FNDC3B: variants seen among roughly 807,000 people sequenced by gnomAD.
FNDC3B encodes the protein fibronectin type III domain containing 3B, also known as fibronectin type III domain-containing protein 3B.
A neutral mutation model predicts 151.5 loss-of-function variants in FNDC3B; 12 were observed. The ratio of observed to expected loss-of-function variants is 0.08; its 90% confidence interval spans 0.05 to 0.13. The LOEUF (loss-of-function observed/expected upper bound fraction) is 0.13. FNDC3B is among the 10% of genes least tolerant of loss of function. The pLI, the probability that FNDC3B is intolerant of heterozygous loss-of-function variation, is 1.00. For synonymous variants in FNDC3B, 528 were observed against 549.0 expected, an observed-to-expected ratio of 0.96 and a Z score of 0.54; for missense variants, 1,214 against 1,505.3, an observed-to-expected ratio of 0.81 and a Z score of 3.20.
chr3:172,118,153 C>CA (rs1176987358), intron 2 of FNDC3B, among the ~76,000 whole-genome samples: 3 of 152,180 alleles, frequency 2.0e-5, no homozygotes, highest in Non-Finnish European at 4.4e-5. Context: ...TACACATTTC[C>CA]AGACAGTATG....
At chr3:172,374,523 T>A (rs1359271708) in intron 23 of FNDC3B, among the ~76,000 whole-genome samples, 2 of 152,120 alleles carry the variant, frequency 1.3e-5, no homozygotes, top group East Asian at 1.9e-4. Context: ...GCCTCCTGAG[T>A]AGCTGGGACT....
intron 1 of FNDC3B, among the ~76,000 whole-genome samples, chr3:172,057,252 A>G (rs1259905801): frequency 1.3e-5 from 2 of 152,086 alleles, no homozygotes; most frequent in Admixed American, 6.5e-5. Flanking sequence ...TCTGCCTTTC[A>G]TCTCTGGGTC....
At chr3:172,135,983 T>A (rs1721339839) in intron 3 of FNDC3B, among the ~76,000 whole-genome samples, 1 of 152,244 alleles carries the variant, frequency 6.6e-6, no homozygotes, top group Admixed American at 6.5e-5. Flanking sequence ...CTAACATTTA[T>A]TCATCTCAGG....
At chr3:172,341,067 C>T (rs375462532) in intron 16 of FNDC3B, 46 bp from the exon 17 acceptor site, 3 of 1,297,558 alleles carry the variant, frequency 2.3e-6, no homozygotes, top group Admixed American at 1.7e-5. Context: ...TGATATGCTA[C>T]ATTTTTACAA....
chr3:172,389,106 G>A (rs1735874231), intron 25 of FNDC3B, among the ~76,000 whole-genome samples: 1 of 152,004 alleles, frequency 6.6e-6, no homozygotes, highest in East Asian at 1.9e-4. Flanking sequence ...TGGGCTTTTG[G>A]ATCTCATATT....
intron 3 of FNDC3B, among the ~76,000 whole-genome samples, chr3:172,167,714 C>G (rs537502385): frequency 6.6e-6 from 1 of 152,198 alleles, no homozygotes; most frequent in African/African-American, 2.4e-5. Flanking sequence ...GGCAGGCAAA[C>G]GAGCATTACC....
At chr3:172,167,528 G>A (rs1488226294) in intron 3 of FNDC3B, among the ~76,000 whole-genome samples, 10 of 152,194 alleles carry the variant, frequency 6.6e-5, no homozygotes, top group Admixed American at 2.6e-4. Flanking sequence ...AGATAACATC[G>A]CTAGTTAATG....
intron 1 of FNDC3B, among the ~76,000 whole-genome samples, chr3:172,108,437 C>G (rs1189728492): frequency 6.6e-6 from 1 of 152,220 alleles, no homozygotes; most frequent in Admixed American, 6.5e-5. Flanking sequence ...ACATCCATTG[C>G]TTCCTCTTTT....
intron 3 of FNDC3B, among the ~76,000 whole-genome samples, chr3:172,157,024 G>A (rs997928294): frequency 3.3e-5 from 5 of 152,148 alleles, no homozygotes; most frequent in African/African-American, 1.2e-4. Context: ...AAAGTTGTAA[G>A]GGGATTGTGT....
intron 8 of FNDC3B, among the ~76,000 whole-genome samples, chr3:172,297,913 C>G (rs535128693): frequency 6.6e-6 from 1 of 152,282 alleles, no homozygotes; most frequent in East Asian, 1.9e-4. Context: ...TATCTGTTGT[C>G]TATATTCCAG....
In FNDC3B at chr3:172,233,246, A is replaced by G. The variant is rs1011988020; in HGVS notation, c.264+6299A>G. 2.6e-5 allele frequency among the ~76,000 whole-genome samples: 4 copies of G among 152,332 alleles called. No homozygotes were observed. In the South Asian group the frequency reaches 6.2e-4, roughly 24 times the overall value. ...GAGAAAAAGTGAAACCTCCAAGTTA[A>G]TGTTCTATCATTTGGGAAACCACTC... On this transcript the variant is annotated intron_variant, in intron 4 of 25. Transcript: ENST00000415807.
intron 22 of FNDC3B, among the ~76,000 whole-genome samples, chr3:172,361,139 C>T (rs1391888885): frequency 6.6e-6 from 1 of 152,122 alleles, no homozygotes; most frequent in African/African-American, 2.4e-5. Context: ...GTGAAATGCC[C>T]TTTAAGGGCT....
chr3:172,187,042 C>T, intron 3 of FNDC3B: 1 of 321,988 alleles, frequency 3.1e-6, no homozygotes, highest in Non-Finnish European at 5.6e-6. Flanking sequence ...CTGAAAGAGT[C>T]CTTCCAGGTT....
At chr3:172,386,361 T>A (rs1735708643) in intron 25 of FNDC3B, among the ~76,000 whole-genome samples, 2 of 152,170 alleles carry the variant, frequency 1.3e-5, no homozygotes, top group African/African-American at 4.8e-5. Flanking sequence ...AAGGAAAGGA[T>A]CAACAAATTG....
At chr3:172,338,909 T>A (rs2108301678) in intron 16 of FNDC3B, among the ~76,000 whole-genome samples, 1 of 152,108 alleles carries the variant, frequency 6.6e-6, no homozygotes, top group Non-Finnish European at 1.5e-5. Context: ...CTAATTTTTT[T>A]TGAATTTTTA....
At chr3:172,281,749 A>T (rs1486310457) in intron 6 of FNDC3B, among the ~76,000 whole-genome samples, 1 of 152,182 alleles carries the variant, frequency 6.6e-6, no homozygotes, top group East Asian at 1.9e-4. Context: ...TTAAGAGGGG[A>T]AGAAACAAAA....
chr3:172,175,985 T>G (rs1325263311), intron 3 of FNDC3B, among the ~76,000 whole-genome samples: 1 of 152,262 alleles, frequency 6.6e-6, no homozygotes, highest in Non-Finnish European at 1.5e-5. Context: ...AATATAAATT[T>G]ACCCCATCAG....
intron 21 of FNDC3B, 111 bp downstream of exon 21, chr3:172,347,472 G>GA: frequency 1.5e-6 from 1 of 685,134 alleles, no homozygotes; most frequent in Non-Finnish European, 2.2e-6. Context: ...GGATGATATG[G>GA]AAAAAAAGAG....
At chr3:172,371,836 C>T (rs1397725810) in intron 23 of FNDC3B, among the ~76,000 whole-genome samples, 1 of 152,154 alleles carries the variant, frequency 6.6e-6, no homozygotes, top group Non-Finnish European at 1.5e-5. Context: ...GAGAGGGATG[C>T]CATTCTGAGG....
Sources: allele counts gnomAD v4.1 joint callset (sites outside exome capture counted in the v4.1 genomes callset), GRCh38; gene constraint gnomAD v4.1.1; transcripts MANE v1.5; gene names NCBI Gene and HGNC (gene_info 2026-07-23, HGNC 2026-07-21).